The following TNKS2 variants were observed in gnomAD, a reference collection of about 807,000 sequenced individuals.
TNKS2 encodes the protein poly [ADP-ribose] polymerase tankyrase-2.
TNKS2 carries 72 observed loss-of-function variants against 137.6 expected under a neutral mutation model. The observed-to-expected ratio is 0.52, with a 90% CI of 0.43 to 0.64. The LOEUF (loss-of-function observed/expected upper bound fraction) is 0.64. TNKS2 is among the 30% of genes least tolerant of loss of function. The probability of loss-of-function intolerance (pLI) is 0.00; values close to 1 mark genes in which losing one functional copy is unlikely to be tolerated. For missense variants in TNKS2, 1,049 were observed against 1,410.2 expected, an observed-to-expected ratio of 0.74 and a Z score of 4.10; for synonymous variants, 516 against 512.1, an observed-to-expected ratio of 1.01 and a Z score of -0.10.
rs754209074 is a variant in TNKS2, at chr10:91,828,292, T to G, written c.990T>G (p.Phe330Leu). 2 of 1,578,836 alleles carry G rather than the reference T, an allele frequency of 1.3e-6. No individual in the cohort carries two copies. Among genetic ancestry groups the G allele is most frequent in the Non-Finnish European group, 1.7e-6 (2 of 1,166,016 alleles). ...PQLKERLAYEFKGHSLLQAAR... is the reference protein window; with the variant it reads ...PQLKERLAYELKGHSLLQAAR... Reference sequence around the variant, plus strand: ...TGCTTTTTCTTCATCTAGATGAATTTAAAGGCCACTCGTTGCTGCAAGCTG... The same window carrying G: ...TGCTTTTTCTTCATCTAGATGAATTGAAAGGCCACTCGTTGCTGCAAGCTG... The change falls in exon 9 of 27, where the codon TTT becomes TTG. Residue 330 changes from phenylalanine (F) to leucine (L), a missense_variant. By Grantham distance (22) the Phe-to-Leu change is conservative. Transcript: ENST00000371627.
At chr10:91,861,441 T>C (rs913080127) in intron 25 of TNKS2, among the ~76,000 whole-genome samples, 4 of 152,006 alleles carry the variant, frequency 2.6e-5, no homozygotes, top group Non-Finnish European at 5.9e-5. Flanking sequence ...TGATCTAATT[T>C]TTGTTTGTTT....
At chr10:91,852,345 CAGG>C (rs1171118502) in intron 21 of TNKS2, among the ~76,000 whole-genome samples, 4 of 151,712 alleles carry the variant, frequency 2.6e-5, no homozygotes, top group Non-Finnish European at 5.9e-5. Context: ...ATCACGAGGT[CAGG>C]AGATTGAGAA....
rs183298710 is a variant in TNKS2, at chr10:91,800,908, T to C, written c.199+2019T>C. Among the ~76,000 whole-genome samples the C allele has an allele frequency of 2.3e-3, 357 of 152,352 alleles. 1 individual carries two copies. The highest frequency in any genetic ancestry group is 8.1e-3 in the African/African-American group (338 of 41,580). On this transcript the variant is annotated intron_variant, in intron 1 of 26. Coordinates refer to ENST00000371627, the MANE Select transcript of TNKS2 (RefSeq NM_025235.4). ...ATAATCTGTTGTAGGTAGTGAGTTA[T>C]CAGTCATGTTAATGTGCCTGCAAGC...
At chr10:91,832,216 C>G (rs1845272375) in intron 11 of TNKS2, among the ~76,000 whole-genome samples, 1 of 152,008 alleles carries the variant, frequency 6.6e-6, no homozygotes, top group Non-Finnish European at 1.5e-5. Flanking sequence ...CATATCTTGT[C>G]TCTCTGTTCT....
intron 13 of TNKS2, among the ~76,000 whole-genome samples, 189 bp downstream of exon 13, chr10:91,837,187 A>G (rs1842052161): frequency 6.6e-6 from 1 of 152,226 alleles, no homozygotes; most frequent in Non-Finnish European, 1.5e-5. Context: ...CTTCACTTTC[A>G]CCTGCATCCC....
At chr10:91,822,007 G>A (rs555640091) in intron 6 of TNKS2, among the ~76,000 whole-genome samples, 3 of 152,290 alleles carry the variant, frequency 2.0e-5, no homozygotes, top group African/African-American at 7.2e-5. Context: ...ATAAAGTGGG[G>A]TGGGAGCTAT....
At chr10:91,838,688 C>G (rs977404205) in intron 13 of TNKS2, among the ~76,000 whole-genome samples, 2 of 152,172 alleles carry the variant, frequency 1.3e-5, no homozygotes, top group Non-Finnish European at 2.9e-5. Flanking sequence ...ATCTGTATAT[C>G]TAGCCAGATC....
At chr10:91,811,926 G>C (rs1844521116) in intron 1 of TNKS2, among the ~76,000 whole-genome samples, 1 of 152,160 alleles carries the variant, frequency 6.6e-6, no homozygotes, top group Non-Finnish European at 1.5e-5. Flanking sequence ...CAAGCATGGT[G>C]GCGGGTGCCT....
intron 1 of TNKS2, among the ~76,000 whole-genome samples, chr10:91,801,091 C>T (rs1844152598): frequency 6.6e-6 from 1 of 152,128 alleles, no homozygotes; most frequent in Admixed American, 6.5e-5. Flanking sequence ...GGAGATTTTA[C>T]TGGGGGAGGC....
intron 7 of TNKS2, 106 bp downstream of exon 7, chr10:91,822,468 T>A: frequency 1.2e-6 from 1 of 850,554 alleles, no homozygotes; most frequent in Non-Finnish European, 1.9e-6. Context: ...TCTTAGTGCT[T>A]AAAAAAGTAG....
chr10:91,819,694 A>T (rs1007214411), intron 5 of TNKS2, 137 bp downstream of exon 5: 4 of 817,182 alleles, frequency 4.9e-6, no homozygotes, highest in Non-Finnish European at 7.5e-6. Flanking sequence ...CAGTATTTCA[A>T]ATTCTTAAGC....
intron 9 of TNKS2, among the ~76,000 whole-genome samples, chr10:91,829,080 G>A (rs1443648574): frequency 6.6e-6 from 1 of 152,152 alleles, no homozygotes; most frequent in African/African-American, 2.4e-5. Context: ...TGTTGCGTGA[G>A]TTGCAGAATG....
At chr10:91,826,625 G>A (rs1845078901) in intron 7 of TNKS2, among the ~76,000 whole-genome samples, 1 of 152,116 alleles carries the variant, frequency 6.6e-6, no homozygotes, top group African/African-American at 2.4e-5. Flanking sequence ...AACATTCTGG[G>A]GTAATGAAAG....
At chr10:91,812,073 AAAG>A (rs1393202608) in intron 1 of TNKS2, among the ~76,000 whole-genome samples, 1 of 152,092 alleles carries the variant, frequency 6.6e-6, no homozygotes, top group Non-Finnish European at 1.5e-5. Flanking sequence ...AAAAAAAAAA[AAAG>A]AATAGAACGG....
At chr10:91,805,628 G>A (rs1403125496) in intron 1 of TNKS2, among the ~76,000 whole-genome samples, 1 of 152,148 alleles carries the variant, frequency 6.6e-6, no homozygotes, top group Non-Finnish European at 1.5e-5. Context: ...CTATTTCTGT[G>A]CACATCTAAC....
rs1234575605 is a variant in TNKS2 at position 91,807,385 on chromosome 10, G to A, written c.200-5598G>A. The stretch of plus-strand genomic sequence containing the variant: ...ACACGTGCCTTCATAGGGTCAGCGA[G>A]GTAAAGCTTCTCGGCAGCGCGGCTG... On this transcript the variant is annotated intron_variant, in intron 1 of 26. Coordinates refer to ENST00000371627, the MANE Select transcript of TNKS2 (RefSeq NM_025235.4). The A allele has an allele frequency of 1.3e-5, 21 of 1,614,008 alleles. No individual in the cohort carries two copies. The African/African-American group carries it at 2.0e-4, about 15-fold the overall frequency.
rs917514216 is a variant in TNKS2, at chr10:91,798,686, G to A, written c.-5G>A. The A allele has an allele frequency of 1.5e-5, 18 of 1,228,118 alleles. No homozygotes were observed. The highest frequency in any genetic ancestry group is 1.8e-5 in the Non-Finnish European group (18 of 982,310). The allele number at this position is 1,228,118 out of a possible 1,614,324, so 76.1% of individuals were successfully genotyped here. On this transcript the variant is annotated 5_prime_UTR_variant, in exon 1 of 27. Transcript: ENST00000371627. ...CTGTTGCTGGCTGTGGCGGCGGCCA[G>A]GATCATGTCGGGTCGCCGCTGCGCC...
In TNKS2 at chr10:91,836,921, G is replaced by A. The variant is rs769118444; in HGVS notation, c.1450G>A (p.Gly484Ser). The change falls in exon 13 of 27, where the codon GGT becomes AGT. Residue 484 changes from glycine (G) to serine (S), a missense_variant and splice_region_variant. Gly to Ser is a moderately conservative substitution (Grantham distance 56). This residue lies in a region of TNKS2 where 328 missense variants were observed against 436.0 expected (regional missense o/e 0.75). Coordinates refer to ENST00000371627, the MANE Select transcript of TNKS2 (RefSeq NM_025235.4). ...NENVQQLLQE[G>S]ISLGNSEADR... ...TTCTCTCTCTCTCTCTTTTTTAGAGGGTATCTCATTAGGTAATTCAGAGGC... is the reference window on the plus strand; with the variant it reads ...TTCTCTCTCTCTCTCTTTTTTAGAGAGTATCTCATTAGGTAATTCAGAGGC... The A allele has an allele frequency of 2.5e-6, 4 of 1,611,010 alleles. No homozygotes were observed. Among genetic ancestry groups the A allele is most frequent in the South Asian group, 1.1e-5 (1 of 90,502 alleles).
chr10:91,856,787 G>A (rs569968935), intron 23 of TNKS2, among the ~76,000 whole-genome samples: 2 of 152,270 alleles, frequency 1.3e-5, no homozygotes, highest in African/African-American at 2.4e-5. Context: ...TTTGAGCCAA[G>A]ACTAAAACCA....
Sources: gnomAD v4.1 joint callset for allele counts (sites outside exome capture counted in the v4.1 genomes callset) on GRCh38, gnomAD v4.1.1 for gene constraint, gnomAD v4.1.1 regional missense constraint, MANE v1.5 for transcripts, NCBI Gene and HGNC (gene_info 2026-07-23, HGNC 2026-07-21) for gene names.